The following TMEM170B variants were observed in gnomAD, a reference collection of about 807,000 sequenced individuals.
TMEM170B encodes transmembrane protein 170B.
In TMEM170B, 6 loss-of-function variants were observed where a neutral mutation model predicts 13.0. The ratio of observed to expected loss-of-function variants is 0.46; its 90% CI spans 0.25 to 0.91. The LOEUF (loss-of-function observed/expected upper bound fraction) is 0.91, where lower values mean the gene tolerates loss of function less well. TMEM170B is among the 40% of genes least tolerant of loss of function. The pLI is 0.17. For missense variants in TMEM170B, 138 were observed against 165.2 expected (o/e 0.84, Z 0.90); for synonymous variants, 61 against 64.9 (o/e 0.94, Z 0.29).
At chr6:11,569,529 C>T (rs546072916) in intron 2 of TMEM170B, among the ~76,000 whole-genome samples, 5 of 152,170 alleles carry the variant, frequency 3.3e-5, no homozygotes, top group Non-Finnish European at 4.4e-5. Flanking sequence ...CTAGTGGTCT[C>T]TGTCACATTA....
intron 1 of TMEM170B, among the ~76,000 whole-genome samples, chr6:11,560,003 A>G (rs939619693): frequency 5.9e-5 from 9 of 151,790 alleles, no homozygotes; most frequent in African/African-American, 2.2e-4. Flanking sequence ...TGTTGTTTTA[A>G]TGACTTTCGG....
intron 1 of TMEM170B, 65 bp downstream of exon 1, chr6:11,538,439 C>G: frequency 8.2e-7 from 1 of 1,222,834 alleles, no homozygotes; most frequent in South Asian, 1.5e-5. Flanking sequence ...TCTCCTTCCT[C>G]GGGAGGGGAC....
At chr6:11,550,378 G>A (rs576097769) in intron 1 of TMEM170B, among the ~76,000 whole-genome samples, 12 of 151,904 alleles carry the variant, frequency 7.9e-5, no homozygotes, top group African/African-American at 2.4e-4. Flanking sequence ...TCACCATGTT[G>A]GTCAGGCTGG....
intron 1 of TMEM170B, among the ~76,000 whole-genome samples, chr6:11,553,948 T>TC (rs1759556821): frequency 6.6e-6 from 1 of 152,034 alleles, no homozygotes; most frequent in South Asian, 2.1e-4. Flanking sequence ...CTCTCTCTTT[T>TC]AATCCCAGTA....
chr6:11,548,026 A>T (rs1759463312), intron 1 of TMEM170B, among the ~76,000 whole-genome samples: 1 of 152,172 alleles, frequency 6.6e-6, no homozygotes, highest in South Asian at 2.1e-4. Flanking sequence ...AGGGATGGGG[A>T]CAAGGAATTG....
At chr6:11,559,180 T>C (rs921928822) in intron 1 of TMEM170B, among the ~76,000 whole-genome samples, 1 of 150,904 alleles carries the variant, frequency 6.6e-6, no homozygotes, top group Non-Finnish European at 1.5e-5. Context: ...TCTTTATATA[T>C]TTTTTTCTTT....
At chr6:11,549,553 C>T (rs944544138) in intron 1 of TMEM170B, among the ~76,000 whole-genome samples, 3 of 151,960 alleles carry the variant, frequency 2.0e-5, no homozygotes, top group South Asian at 2.1e-4. Flanking sequence ...GTCCCAGCTA[C>T]TCGGGAGGCT....
chr6:11,565,557 T>C, intron 1 of TMEM170B, 109 bp from the exon 2 acceptor site: 2 of 1,123,560 alleles, frequency 1.8e-6, no homozygotes, highest in South Asian at 2.8e-5. Context: ...AGCATTTTTC[T>C]ATGTATTATG....
Position 11,565,685 on chromosome 6 carries a change from CCTCTGGGCTCTCTTCTCTT to C in TMEM170B, c.123_141del (p.Trp41CysfsTer10). The C allele has an allele frequency of 1.9e-6, 3 of 1,614,114 alleles. No individual in the cohort carries two copies. The highest frequency in any genetic ancestry group is 2.5e-6 in the Non-Finnish European group (3 of 1,179,970). The stretch of plus-strand genomic sequence containing the variant: ...TTTCAGAGATGTGGTACTGGATCTT[CCTCTGGGCTCTCTTCTCTT>C]CTCTGTTTGTCCATGGTGCTGCAGG... On this transcript the variant is annotated frameshift_variant, in exon 2 of 3. Coordinates refer to ENST00000379426, the MANE Select transcript of TMEM170B (RefSeq NM_001100829.3). LOFTEE classifies it high-confidence loss of function.
At chr6:11,547,870 A>G (rs2113764852) in intron 1 of TMEM170B, among the ~76,000 whole-genome samples, 1 of 152,320 alleles carries the variant, frequency 6.6e-6, no homozygotes, top group South Asian at 2.1e-4. Context: ...ATTCTTTAAT[A>G]TTAACTATGA....
intron 1 of TMEM170B, among the ~76,000 whole-genome samples, chr6:11,549,342 A>G (rs1759486517): frequency 6.6e-6 from 1 of 152,214 alleles, no homozygotes; most frequent in African/African-American, 2.4e-5. Context: ...TAATCATAGA[A>G]TAAACAGTGG....
chr6:11,563,854 T>C (rs893777799), intron 1 of TMEM170B, among the ~76,000 whole-genome samples: 2 of 152,074 alleles, frequency 1.3e-5, no homozygotes, highest in Admixed American at 6.5e-5. Context: ...TGTGTAGTTG[T>C]AGCTACTGGG....
intron 1 of TMEM170B, among the ~76,000 whole-genome samples, chr6:11,560,597 A>AAG (rs1554103156): frequency 3.3e-5 from 5 of 151,228 alleles, no homozygotes; most frequent in African/African-American, 7.3e-5. Context: ...AAAAAAAAAA[A>AAG]AATGAAAAAC....
In TMEM170B at chr6:11,579,847, A is replaced by G. The variant is rs992400469; in HGVS notation, c.*4286A>G. The G allele has an allele frequency of 6.6e-6, 1 of 152,206 alleles. No individual in the cohort carries two copies. Among genetic ancestry groups the G allele is most frequent in the African/African-American group, 2.4e-5 (1 of 41,444 alleles). The allele number at this position is 152,206 out of a possible 1,614,324, so 9.4% of individuals were successfully genotyped here. ...ATTCTTCTTGAAAAGTAAGAGCGAT[A>G]TATAACCCTTCAGTCTTCTATATGT... On this transcript the variant is annotated 3_prime_UTR_variant, in exon 3 of 3. Transcript: ENST00000379426.
chr6:11,555,815 T>G (rs1402214654), intron 1 of TMEM170B, among the ~76,000 whole-genome samples: 1 of 152,252 alleles, frequency 6.6e-6, no homozygotes, highest in East Asian at 1.9e-4. Flanking sequence ...GTTTTTCCTG[T>G]TTTTGAGTGC....
intron 1 of TMEM170B, among the ~76,000 whole-genome samples, chr6:11,545,475 T>C (rs1252585418): frequency 6.6e-6 from 1 of 152,104 alleles, no homozygotes; most frequent in Non-Finnish European, 1.5e-5. Context: ...CATGTGATGA[T>C]GGTCCCATAA....
chr6:11,558,851 G>A (rs1397610444), intron 1 of TMEM170B, among the ~76,000 whole-genome samples: 1 of 152,128 alleles, frequency 6.6e-6, no homozygotes, highest in African/African-American at 2.4e-5. Context: ...GCCAACTCTT[G>A]ATAATATGTG....
chr6:11,538,125 T>TGCA lies in TMEM170B; in HGVS notation c.-141_-139dup, dbSNP rs1176017760. On this transcript the variant is annotated 5_prime_UTR_variant, in exon 1 of 3. Transcript: ENST00000379426. Reference sequence around the variant, plus strand: ...GGCCCCCCCACGGAGGCCCTCCGGCTGCAGCAGCAGCAGCGCCCGGCCCGG... The same window carrying TGCA: ...GGCCCCCCCACGGAGGCCCTCCGGCTGCAGCAGCAGCAGCAGCGCCCGGCCCGG... Among the ~76,000 whole-genome samples the TGCA allele has an allele frequency of 2.0e-5, 3 of 150,538 alleles. No individual in the cohort carries two copies. Among genetic ancestry groups the TGCA allele is most frequent in the African/African-American group, 2.4e-5 (1 of 41,106 alleles).
intron 1 of TMEM170B, 106 bp downstream of exon 1, chr6:11,538,480 C>A: frequency 1.2e-6 from 1 of 854,852 alleles, no homozygotes; most frequent in Non-Finnish European, 1.7e-6. Flanking sequence ...CCCGTGCGCG[C>A]CCCGCTCGGA....
Sources: allele counts gnomAD v4.1 joint callset (sites outside exome capture counted in the v4.1 genomes callset), GRCh38; gene constraint gnomAD v4.1.1; transcripts MANE v1.5; gene names NCBI Gene and HGNC (gene_info 2026-07-23, HGNC 2026-07-21).